Variants in SPAG6 observed in about 807,000 individuals in gnomAD.
SPAG6 encodes the protein sperm associated antigen 6.
A neutral mutation model predicts 58.5 loss-of-function variants in SPAG6; 49 were observed. The observed-to-expected ratio is 0.84, with a 90% CI of 0.67 to 1.06. The LOEUF is 1.06. Ranked by LOEUF, SPAG6 falls within the 50% of genes least tolerant of loss-of-function variation. The pLI is 0.00. For missense variants in SPAG6, 560 were observed against 611.3 expected (o/e 0.92, Z 0.89); for synonymous variants, 233 against 225.6 (o/e 1.03, Z -0.29).
At chr10:22,355,244 C>T (rs1314760407) in intron 2 of SPAG6, among the ~76,000 whole-genome samples, 1 of 152,174 alleles carries the variant, frequency 6.6e-6, no homozygotes, top group African/African-American at 2.4e-5. Flanking sequence ...GAGCATCTAC[C>T]TCATTGGATT....
At position 22,364,722 on chromosome 10, in the gene SPAG6, A is replaced by C. The variant is rs183304858; in HGVS notation, c.122-131A>C. The C allele has an allele frequency of 3.3e-5, 20 of 605,820 alleles. No individual in the cohort carries two copies. In the Admixed American group the frequency reaches 4.4e-4, roughly 13 times the overall value. The allele number at this position is 605,820 out of a possible 1,614,324, so 37.5% of individuals were successfully genotyped here. On this transcript the variant is annotated intron_variant, in intron 2 of 10. Coordinates refer to ENST00000376624, the MANE Select transcript of SPAG6 (RefSeq NM_012443.4). ...AGTTAGGTACTTCTAAATTTCCATT[A>C]GTTTATGGTGAATAGTTTTATTTTT...
chr10:22,375,813 G>C (rs1453137845), intron 4 of SPAG6, among the ~76,000 whole-genome samples: 1 of 152,032 alleles, frequency 6.6e-6, no homozygotes, highest in African/African-American at 2.4e-5. Flanking sequence ...TCCTGACCTT[G>C]TCATCCTCCC....
chr10:22,366,292 C>T (rs961030080), intron 3 of SPAG6, among the ~76,000 whole-genome samples: 1 of 152,096 alleles, frequency 6.6e-6, no homozygotes, highest in Non-Finnish European at 1.5e-5. Context: ...ATGCTAAGTG[C>T]AAGAAGCCAG....
At chr10:22,379,709 T>G (rs565932930) in intron 4 of SPAG6, among the ~76,000 whole-genome samples, 1 of 152,368 alleles carries the variant, frequency 6.6e-6, no homozygotes, top group South Asian at 2.1e-4. Flanking sequence ...TAATAAATGT[T>G]TGCTGTTTTA....
At chr10:22,396,361 C>T (rs1421557615) in intron 8 of SPAG6, among the ~76,000 whole-genome samples, 1 of 152,138 alleles carries the variant, frequency 6.6e-6, no homozygotes, top group Non-Finnish European at 1.5e-5. Flanking sequence ...TTGCATCTTT[C>T]TCATTTTCTC....
At position 22,364,873 on chromosome 10, in the gene SPAG6, A is replaced by G. The variant is rs1310935776; in HGVS notation, c.142A>G (p.Thr48Ala). The G allele has an allele frequency of 1.9e-6, 3 of 1,608,250 alleles. No homozygotes were observed. The highest frequency in any genetic ancestry group is 2.2e-5 in the East Asian group (1 of 44,830). The change falls in exon 3 of 11, where the codon ACT becomes GCT. Residue 48 changes from threonine to alanine, a missense_variant. Coordinates refer to ENST00000376624, the MANE Select transcript of SPAG6 (RefSeq NM_012443.4). Reference protein sequence around the residue: ...QNAGVMSLLRTLLLDVVPTIQ... With the variant: ...QNAGVMSLLRALLLDVVPTIQ... Reference sequence around the variant, plus strand: ...CTCAGGTGTAATGTCTTTGCTGAGAACTCTTCTTCTGGACGTGGTCCCAAC... The same window carrying G: ...CTCAGGTGTAATGTCTTTGCTGAGAGCTCTTCTTCTGGACGTGGTCCCAAC...
intron 9 of SPAG6, among the ~76,000 whole-genome samples, chr10:22,409,355 G>T (rs1414508925): frequency 6.6e-6 from 1 of 152,130 alleles, no homozygotes; most frequent in Non-Finnish European, 1.5e-5. Flanking sequence ...ATCTTCTGTT[G>T]TCCAGCTGAT....
At chr10:22,381,287 G>C (rs1833950072) in intron 4 of SPAG6, among the ~76,000 whole-genome samples, 1 of 151,698 alleles carries the variant, frequency 6.6e-6, no homozygotes, top group Non-Finnish European at 1.5e-5. Flanking sequence ...CCACAGAGGG[G>C]TGTGTTTTAT....
At chr10:22,398,304 C>G (rs915748390) in intron 8 of SPAG6, among the ~76,000 whole-genome samples, 14 of 152,070 alleles carry the variant, frequency 9.2e-5, no homozygotes, top group African/African-American at 3.4e-4. Flanking sequence ...TTAGAAGAAA[C>G]CTGGGAATAA....
rs75058236 is a variant in SPAG6 at position 22,399,761 on chromosome 10, A to C, written c.1198-1400A>C. Among the ~76,000 whole-genome samples, 1,421 of 152,282 alleles carry C rather than the reference A, an allele frequency of 9.3e-3. 23 individuals are homozygous for C. The highest frequency in any genetic ancestry group is 0.033 in the African/African-American group (1,362 of 41,546). ...TAGAATAAGGCTGTCTTTATTGTAC[A>C]GTGTATGTGATTTCTACTACACTGT... On this transcript the variant is annotated intron_variant, in intron 8 of 10. Transcript: ENST00000376624.
intron 7 of SPAG6, among the ~76,000 whole-genome samples, chr10:22,390,066 T>G (rs1203073927): frequency 6.6e-6 from 1 of 152,046 alleles, no homozygotes; most frequent in African/African-American, 2.4e-5. Context: ...AACAGAAATG[T>G]GGATTTTTTT....
At chr10:22,381,619 C>G (rs373516611) in intron 4 of SPAG6, among the ~76,000 whole-genome samples, 3 of 151,882 alleles carry the variant, frequency 2.0e-5, no homozygotes, top group East Asian at 1.9e-4. Flanking sequence ...GACAACTAGC[C>G]GTGACATAAT....
intron 2 of SPAG6, among the ~76,000 whole-genome samples, chr10:22,361,765 A>G (rs1837046338): frequency 6.6e-6 from 1 of 152,070 alleles, no homozygotes. Context: ...TTACTTCTAA[A>G]TTATAAACTA....
intron 6 of SPAG6, 141 bp downstream of exon 6, chr10:22,388,137 G>A (rs1049612326): frequency 6.0e-6 from 4 of 661,798 alleles, no homozygotes; most frequent in Admixed American, 3.1e-5. Flanking sequence ...CTGATGTTTT[G>A]GACTGGGTAG....
chr10:22,391,909 C>A lies in SPAG6; in HGVS notation c.1186C>A (p.Leu396Ile), dbSNP rs1834193210. 1 of 1,610,852 alleles carries A rather than the reference C, an allele frequency of 6.2e-7. No homozygotes were observed. Among genetic ancestry groups the A allele is most frequent in the African/African-American group, 1.3e-5 (1 of 74,892 alleles). The change falls in exon 8 of 11, where the codon CTC becomes ATC. Residue 396 changes from leucine (L) to isoleucine (I), a missense_variant. Leu to Ile is a conservative substitution (Grantham distance 5). Coordinates refer to ENST00000376624, the MANE Select transcript of SPAG6 (RefSeq NM_012443.4). ...LYMSTESSED[L>I]QVKSKKAIKN... ...CATGTCAACAGAAAGTTCTGAGGAT[C>A]TCCAAGTAAAAGTAAGTGCTTAATT...
intron 3 of SPAG6, 42 bp from the exon 4 acceptor site, chr10:22,368,452 AG>A (rs1280024905): frequency 6.4e-7 from 1 of 1,565,576 alleles, no homozygotes; most frequent in East Asian, 2.3e-5. Context: ...TGGTTTTCTA[AG>A]TACTCAATTC....
At chr10:22,391,313 G>A (rs938426939) in intron 7 of SPAG6, among the ~76,000 whole-genome samples, 11 of 151,994 alleles carry the variant, frequency 7.2e-5, no homozygotes, top group African/African-American at 2.7e-4. Context: ...TATTATATCA[G>A]GTTTATTATA....
In SPAG6 at chr10:22,407,484, A is replaced by G. The variant is rs1366070978; in HGVS notation, c.1315-3547A>G. ...ATTGGCCCCCACTCTCTTCTGGCTTATAGAGTTTCTGCCGAGAGATCAGCT... is the reference window on the plus strand; with the variant it reads ...ATTGGCCCCCACTCTCTTCTGGCTTGTAGAGTTTCTGCCGAGAGATCAGCT... On this transcript the variant is annotated intron_variant, in intron 9 of 10. Transcript: ENST00000376624. 2.9e-3 allele frequency among the ~76,000 whole-genome samples: 435 copies of G among 150,970 alleles called. 20 individuals are homozygous for G. In the South Asian group the frequency reaches 0.084, roughly 29 times the overall value.
chr10:22,407,820 G>A (rs1834599004), intron 9 of SPAG6, among the ~76,000 whole-genome samples: 1 of 151,730 alleles, frequency 6.6e-6, no homozygotes, highest in Non-Finnish European at 1.5e-5. Context: ...CATATTTCTT[G>A]GAGGCTTTGC....
Sources: allele counts gnomAD v4.1 joint callset (sites outside exome capture counted in the v4.1 genomes callset), GRCh38; gene constraint gnomAD v4.1.1; transcripts MANE v1.5; gene names NCBI Gene and HGNC (gene_info 2026-07-23, HGNC 2026-07-21).